Variants in VAPA observed in about 807,000 individuals in gnomAD.
VAPA encodes vesicle-associated membrane protein-associated protein A.
In VAPA, 6 loss-of-function variants were observed where a neutral mutation model predicts 25.6. The observed-to-expected ratio is 0.23, with a 90% confidence interval of 0.13 to 0.46. The LOEUF (loss-of-function observed/expected upper bound fraction) is 0.46. VAPA is among the 20% of genes least tolerant of loss of function. The pLI is 0.99. For synonymous variants in VAPA, 112 were observed against 106.2 expected (o/e 1.05, Z -0.34); for missense variants, 244 against 302.1 (o/e 0.81, Z 1.43).
intron 4 of VAPA, among the ~76,000 whole-genome samples, chr18:9,944,353 T>C (rs1277747314): frequency 6.6e-6 from 1 of 152,176 alleles, no homozygotes; most frequent in African/African-American, 2.4e-5. Context: ...CCCACCTGTT[T>C]GTATAATACA....
chr18:9,954,205 C>A lies in VAPA; in HGVS notation c.744C>A (p.Ile248=). The change falls in exon 6 of 6, where the codon ATC becomes ATA. Residue 248 remains isoleucine (I), a synonymous_variant. Transcript: ENST00000400000. ...IFIGFFLGKF[I]L ...TTGGATTCTTTCTAGGGAAATTCAT[C>A]TTGTAGAGTGAAGCATGCAGAGTGC... The A allele has an allele frequency of 6.2e-7, 1 of 1,608,602 alleles. No individual in the cohort carries two copies. The highest frequency in any genetic ancestry group is 8.5e-7 in the Non-Finnish European group (1 of 1,177,184).
At chr18:9,922,025 T>C (rs1162315172) in intron 1 of VAPA, among the ~76,000 whole-genome samples, 1 of 152,192 alleles carries the variant, frequency 6.6e-6, no homozygotes, top group African/African-American at 2.4e-5. Flanking sequence ...GACACCAGAC[T>C]GAAGTGCAGT....
chr18:9,914,848 C>G (rs1330807426), intron 1 of VAPA: 1 of 152,366 alleles, frequency 6.6e-6, no homozygotes, highest in Admixed American at 6.5e-5. Flanking sequence ...GGCTAGGGCA[C>G]GGCGCGGGAC....
In VAPA at chr18:9,957,412, A is replaced by G. The variant is rs1567906181; in HGVS notation, c.*3201A>G. The stretch of plus-strand genomic sequence containing the variant: ...TTACTTTTGAACTGTAATCTTTCAG[A>G]TTACACCACTTTGAAAACAAGTTTT... On this transcript the variant is annotated 3_prime_UTR_variant, in exon 6 of 6. Transcript: ENST00000400000. 1 of 152,224 alleles carries G rather than the reference A, an allele frequency of 6.6e-6. No homozygotes were observed. Among genetic ancestry groups the G allele is most frequent in the African/African-American group, 2.4e-5 (1 of 41,462 alleles). The allele number at this position is 152,224 out of a possible 1,614,324, so 9.4% of individuals were successfully genotyped here.
At chr18:9,914,502 G>T (rs2143259744) in intron 1 of VAPA, 167 bp downstream of exon 1, 1 of 488,730 alleles carries the variant, frequency 2.0e-6, no homozygotes, top group Non-Finnish European at 3.4e-6. Flanking sequence ...CACCTCGGCC[G>T]GCCTGCCCCT....
At chr18:9,936,416 A>G in intron 3 of VAPA, 1 of 373,644 alleles carries the variant, frequency 2.7e-6, no homozygotes, top group East Asian at 4.6e-5. Context: ...AACAATTTAG[A>G]AATGCTGCTA....
intron 5 of VAPA, among the ~76,000 whole-genome samples, chr18:9,953,541 T>C (rs1437011900): frequency 6.6e-6 from 1 of 152,212 alleles, no homozygotes; most frequent in East Asian, 1.9e-4. Flanking sequence ...TTTGTGCCTC[T>C]GCTGTTCCGG....
chr18:9,959,787 A>T lies in VAPA; in HGVS notation c.*5576A>T, dbSNP rs1464725846. Reference sequence around the variant, plus strand: ...ATGGTAAGGAATTGGAATCTTTTGTATTTTCGAGCAATAAGAATTCCTATT... The same window carrying T: ...ATGGTAAGGAATTGGAATCTTTTGTTTTTTCGAGCAATAAGAATTCCTATT... On this transcript the variant is annotated 3_prime_UTR_variant, in exon 6 of 6. Transcript: ENST00000400000. 1 of 147,038 alleles carries T rather than the reference A, an allele frequency of 6.8e-6. No individual in the cohort carries two copies. The allele number at this position is 147,038 out of a possible 1,614,324, so 9.1% of individuals were successfully genotyped here.
intron 4 of VAPA, among the ~76,000 whole-genome samples, chr18:9,938,964 G>GT (rs1186655604): frequency 6.6e-6 from 1 of 152,022 alleles, no homozygotes; most frequent in Non-Finnish European, 1.5e-5. Flanking sequence ...AATTTAATCT[G>GT]TAACTGTTTC....
chr18:9,918,295 G>C (rs117150637), intron 1 of VAPA, among the ~76,000 whole-genome samples: 3,984 of 152,122 alleles, frequency 0.026, 63 homozygotes, highest in Middle Eastern at 0.072. Context: ...GTACTTCTTT[G>C]ACCATAACTC....
intron 4 of VAPA, chr18:9,948,320 C>T (rs894287759): frequency 3.3e-5 from 5 of 151,974 alleles, no homozygotes; most frequent in Admixed American, 1.3e-4. Flanking sequence ...GAAAGCTGCC[C>T]ATCAAATGCT....
chr18:9,950,265 T>C, intron 4 of VAPA, 130 bp from the exon 5 acceptor site: 1 of 903,094 alleles, frequency 1.1e-6, no homozygotes. Flanking sequence ...ATCTGACTGC[T>C]GACATGTACT....
At chr18:9,918,365 A>G (rs998520722) in intron 1 of VAPA, among the ~76,000 whole-genome samples, 3 of 152,090 alleles carry the variant, frequency 2.0e-5, no homozygotes, top group African/African-American at 7.2e-5. Context: ...TTTTGGAAAA[A>G]TAGTCCATAT....
At position 9,950,498 on chromosome 18, in the gene VAPA, A is replaced by C; in HGVS notation, c.521A>C (p.Lys174Thr). The C allele has an allele frequency of 6.2e-6, 10 of 1,614,100 alleles. No individual in the cohort carries two copies. The highest frequency in any genetic ancestry group is 8.5e-6 in the Non-Finnish European group (10 of 1,180,004). ...TCACTTAATGATACCGAAACAAGGA[A>C]ACTAATGGAAGAGTGTAAAAGACTT... ...SVSLNDTETRKLMEECKRLQG... is the reference protein window; with the variant it reads ...SVSLNDTETRTLMEECKRLQG... The change falls in exon 5 of 6, where the codon AAA becomes ACA. Residue 174 changes from lysine to threonine, a missense_variant. By Grantham distance (78) the Lys-to-Thr change is moderately conservative (BLOSUM62 -1). Transcript: ENST00000400000.
intron 4 of VAPA, chr18:9,944,924 G>A (rs1355378474): frequency 1.2e-6 from 2 of 1,613,842 alleles, no homozygotes; most frequent in Non-Finnish European, 1.7e-6. Flanking sequence ...GCCATCTCAG[G>A]GTATAACTCC....
intron 1 of VAPA, among the ~76,000 whole-genome samples, chr18:9,930,469 C>A (rs894207973): frequency 6.6e-6 from 1 of 152,030 alleles, no homozygotes; most frequent in Non-Finnish European, 1.5e-5. Flanking sequence ...CTCCAGCCAG[C>A]CATTTTGTGG....
intron 1 of VAPA, among the ~76,000 whole-genome samples, chr18:9,916,997 T>G (rs1397914008): frequency 1.3e-5 from 2 of 152,242 alleles, no homozygotes; most frequent in East Asian, 3.8e-4. Flanking sequence ...ACCAACTATT[T>G]CAGTACATTT....
chr18:9,932,625 A>G (rs1246410944), intron 2 of VAPA, among the ~76,000 whole-genome samples: 1 of 152,214 alleles, frequency 6.6e-6, no homozygotes, highest in Non-Finnish European at 1.5e-5. Flanking sequence ...GAAATAGGAA[A>G]TAGGAAGTAA....
intron 1 of VAPA, among the ~76,000 whole-genome samples, chr18:9,918,141 A>ATT (rs2069127693): frequency 6.6e-6 from 1 of 151,992 alleles, no homozygotes; most frequent in African/African-American, 2.4e-5. Context: ...TTGTTCCTCT[A>ATT]TTTTTGCTGG....
Sources: allele counts gnomAD v4.1 joint callset (sites outside exome capture counted in the v4.1 genomes callset), GRCh38; gene constraint gnomAD v4.1.1; transcripts MANE v1.5; gene names NCBI Gene and HGNC (gene_info 2026-07-23, HGNC 2026-07-21).